PTPN9: variants seen among roughly 807,000 people sequenced by gnomAD.
PTPN9 encodes the protein tyrosine-protein phosphatase non-receptor type 9.
In PTPN9, 26 loss-of-function variants were observed where a neutral mutation model predicts 69.8. The observed-to-expected ratio is 0.37, with a 90% CI of 0.27 to 0.52. The LOEUF (loss-of-function observed/expected upper bound fraction) is 0.52, where lower values mean the gene tolerates loss of function less well. Among genes scored for constraint, PTPN9 ranks in the 20% least tolerant of loss-of-function variants. The probability of loss-of-function intolerance (pLI) is 0.91; values close to 1 mark genes in which losing one functional copy is unlikely to be tolerated. For synonymous variants in PTPN9, 274 were observed against 272.5 expected (o/e 1.01, Z -0.05); for missense variants, 549 against 740.3 (o/e 0.74, Z 3.00).
At chr15:75,566,285 T>A (rs2075126107) in intron 1 of PTPN9, among the ~76,000 whole-genome samples, 1 of 152,180 alleles carries the variant, frequency 6.6e-6, no homozygotes, top group Non-Finnish European at 1.5e-5. Flanking sequence ...AAGGCCAGAT[T>A]TGCAATAATA....
At chr15:75,503,217 A>G (rs1207982364) in intron 7 of PTPN9, among the ~76,000 whole-genome samples, 1 of 141,394 alleles carries the variant, frequency 7.1e-6, no homozygotes, top group Admixed American at 6.9e-5. Context: ...CAGCCATCCC[A>G]TCTGGGAAGT....
At chr15:75,574,777 C>CT (rs1227460322) in intron 1 of PTPN9, among the ~76,000 whole-genome samples, 4 of 151,434 alleles carry the variant, frequency 2.6e-5, no homozygotes, top group Admixed American at 2.6e-4. Context: ...CCCATCTCTA[C>CT]TAAAAATACA....
intron 8 of PTPN9, among the ~76,000 whole-genome samples, chr15:75,484,818 T>C (rs979665163): frequency 1.3e-5 from 2 of 152,174 alleles, no homozygotes; most frequent in African/African-American, 4.8e-5. Flanking sequence ...GTGGGTCCTA[T>C]CACTGGGTGG....
chr15:75,577,367 C>T (rs983817613), intron 1 of PTPN9, among the ~76,000 whole-genome samples: 1 of 152,156 alleles, frequency 6.6e-6, no homozygotes, highest in African/African-American at 2.4e-5. Context: ...GAAGTACTTC[C>T]CAATTCTGGC....
At chr15:75,551,284 T>C (rs1438539898) in intron 1 of PTPN9, among the ~76,000 whole-genome samples, 1 of 151,980 alleles carries the variant, frequency 6.6e-6, no homozygotes, top group African/African-American at 2.4e-5. Flanking sequence ...CCAGAGAAGT[T>C]AGGACTTCAC....
intron 4 of PTPN9, 85 bp downstream of exon 4, chr15:75,523,036 A>C: frequency 6.7e-7 from 1 of 1,491,070 alleles, no homozygotes; most frequent in Admixed American, 1.8e-5. Context: ...GAGAATGGCG[A>C]AGGCACTGCT....
intron 7 of PTPN9, among the ~76,000 whole-genome samples, chr15:75,499,602 C>T (rs2074762345): frequency 6.6e-6 from 1 of 151,690 alleles, no homozygotes; most frequent in Non-Finnish European, 1.5e-5. Flanking sequence ...GACGGGGTTT[C>T]ACCATGTTGG....
At chr15:75,545,461 G>A (rs1341956736) in intron 1 of PTPN9, among the ~76,000 whole-genome samples, 3 of 151,670 alleles carry the variant, frequency 2.0e-5, no homozygotes, top group African/African-American at 7.3e-5. Context: ...TAAAGTAAGA[G>A]GACAGCAAAA....
At chr15:75,506,044 G>A in intron 6 of PTPN9, 41 bp from the exon 7 acceptor site, 2 of 1,466,964 alleles carry the variant, frequency 1.4e-6, no homozygotes, top group Middle Eastern at 1.8e-4. Flanking sequence ...GTGGGAGGAG[G>A]GAAAGGCATA....
intron 7 of PTPN9, among the ~76,000 whole-genome samples, chr15:75,504,653 C>T (rs1312118211): frequency 6.9e-5 from 10 of 144,644 alleles, no homozygotes; most frequent in Non-Finnish European, 1.5e-4. Context: ...GGGGTCAGCC[C>T]CCCGCCCGGC....
At chr15:75,545,352 G>A (rs1411067276) in intron 1 of PTPN9, among the ~76,000 whole-genome samples, 2 of 152,006 alleles carry the variant, frequency 1.3e-5, no homozygotes, top group African/African-American at 2.4e-5. Context: ...TAGAATGCTT[G>A]ACCCCAGGAG....
At position 75,567,069 on chromosome 15, in the gene PTPN9, G is replaced by A. The variant is rs551657618; in HGVS notation, c.63+11645C>T. ...CTCACTCTGTCGCCCAGGCTGGAGT[G>A]CAGTGGCGTGATCTCGGCTCACTGC... On this transcript the variant is annotated intron_variant, in intron 1 of 12. Coordinates refer to ENST00000618819, the MANE Select transcript of PTPN9 (RefSeq NM_002833.4). 1.0e-4 allele frequency among the ~76,000 whole-genome samples: 15 copies of A among 149,626 alleles called. No homozygotes were observed. The South Asian group carries it at 3.2e-3, about 31-fold the overall frequency.
At chr15:75,495,361 T>G (rs2074733921) in intron 7 of PTPN9, among the ~76,000 whole-genome samples, 1 of 152,132 alleles carries the variant, frequency 6.6e-6, no homozygotes, top group African/African-American at 2.4e-5. Context: ...ATCTGATACA[T>G]TCAATCACTT....
At chr15:75,509,200 A>T (rs1489975266) in intron 5 of PTPN9, among the ~76,000 whole-genome samples, 173 bp from the exon 6 acceptor site, 1 of 152,256 alleles carries the variant, frequency 6.6e-6, no homozygotes, top group Non-Finnish European at 1.5e-5. Context: ...TGAAGAAATT[A>T]GAAGCTGATT....
In PTPN9 at chr15:75,465,717, A is replaced by G. The variant is rs973184149; in HGVS notation, c.*3052T>C. 4.6e-5 allele frequency: 7 copies of G among 152,338 alleles called. No individual in the cohort carries two copies. In the South Asian group the frequency reaches 1.2e-3, roughly 27 times the overall value. The allele number at this position is 152,338 out of a possible 1,614,324, so 9.4% of individuals were successfully genotyped here. ...AACCTACTGGATGGGCCCAGAAATC[A>G]GCATTTTATGGAGCTGAAGTGATAG... On this transcript the variant is annotated 3_prime_UTR_variant, in exon 13 of 13. Transcript: ENST00000618819.
At position 75,535,126 on chromosome 15, in the gene PTPN9, A is replaced by T. The variant is rs562302954; in HGVS notation, c.64-7865T>A. Among the ~76,000 whole-genome samples the T allele has an allele frequency of 6.0e-5, 9 of 151,248 alleles. No homozygotes were observed. In the East Asian group the frequency reaches 9.9e-4, roughly 17 times the overall value. On this transcript the variant is annotated intron_variant, in intron 1 of 12. Transcript: ENST00000618819. Reference sequence around the variant, plus strand: ...ATTCTCCTGCCTCAGCCTCCTGAGTAGCTGGGACTACAGGCGGCCGCCACC... The same window carrying T: ...ATTCTCCTGCCTCAGCCTCCTGAGTTGCTGGGACTACAGGCGGCCGCCACC...
intron 2 of PTPN9, among the ~76,000 whole-genome samples, chr15:75,524,985 T>C (rs987065059): frequency 6.6e-5 from 10 of 151,938 alleles, no homozygotes; most frequent in African/African-American, 2.2e-4. Flanking sequence ...GTATGTTACA[T>C]TCAGGTGCAG....
intron 5 of PTPN9, chr15:75,512,957 TTGTAATCCATTCGCCACTTAAGTTTCAC>T (rs1376971742): frequency 7.5e-6 from 3 of 398,300 alleles, no homozygotes; most frequent in Non-Finnish European, 1.5e-5. Flanking sequence ...CAGTTAGCCT[TTGTAATCCATTCGCCACTTAAGTTTCAC>T]TGTCACTGGC....
intron 1 of PTPN9, among the ~76,000 whole-genome samples, chr15:75,556,660 A>C (rs1430673205): frequency 1.3e-5 from 2 of 152,098 alleles, no homozygotes; most frequent in East Asian, 3.8e-4. Flanking sequence ...TTCAGGTGTG[A>C]GCCACCACAC....
Sources: allele counts gnomAD v4.1 joint callset (sites outside exome capture counted in the v4.1 genomes callset), GRCh38; gene constraint gnomAD v4.1.1; transcripts MANE v1.5; gene names NCBI Gene and HGNC (gene_info 2026-07-23, HGNC 2026-07-21).